Variants in TSHZ2 observed in about 807,000 individuals in gnomAD.
TSHZ2 encodes teashirt homolog 2.
In TSHZ2, 21 loss-of-function variants were observed where a neutral mutation model predicts 74.4. The observed-to-expected ratio is 0.28, with a 90% CI of 0.20 to 0.41. TSHZ2 has a LOEUF of 0.41. Among genes scored for constraint, TSHZ2 ranks in the 10% least tolerant of loss-of-function variants. The pLI, the probability that TSHZ2 is intolerant of heterozygous loss-of-function variation, is 1.00. For synonymous variants in TSHZ2, 540 were observed against 515.3 expected, an observed-to-expected ratio of 1.05 and a Z score of -0.65; for missense variants, 1,244 against 1,293.5, an observed-to-expected ratio of 0.96 and a Z score of 0.59.
chr20:53,085,368 AAGAAAGAG>A (rs1985666483), intron 1 of TSHZ2, among the ~76,000 whole-genome samples: 1 of 151,966 alleles, frequency 6.6e-6, no homozygotes, highest in Non-Finnish European at 1.5e-5. Flanking sequence ...CCATCTCAAA[AAGAAAGAG>A]AGAGAGAGAG....
intron 1 of TSHZ2, among the ~76,000 whole-genome samples, chr20:53,040,099 C>T (rs1431353819): frequency 2.0e-5 from 3 of 151,994 alleles, no homozygotes; most frequent in African/African-American, 7.2e-5. Flanking sequence ...AGCAAGACTC[C>T]GTCTAAAAAA....
chr20:53,470,826 A>T (rs2145836757), intron 2 of TSHZ2, among the ~76,000 whole-genome samples: 1 of 152,292 alleles, frequency 6.6e-6, no homozygotes, highest in East Asian at 1.9e-4. Flanking sequence ...AAAAATAAAT[A>T]AATAAAACAC....
chr20:53,325,669 G>GTTGTTTGTTTGTTTGT (rs11474480), intron 2 of TSHZ2, among the ~76,000 whole-genome samples: 138 of 151,618 alleles, frequency 9.1e-4, no homozygotes, highest in South Asian at 5.6e-3. Flanking sequence ...TGCTTTGTTT[G>GTTGTTTGTTTGTTTGT]TTGTTTGTTT....
intron 2 of TSHZ2, among the ~76,000 whole-genome samples, chr20:53,331,737 A>AAACGTAT (rs11474548): frequency 2.6e-5 from 4 of 151,158 alleles, no homozygotes; most frequent in Non-Finnish European, 5.9e-5. Context: ...CAGATTAGGA[A>AAACGTAT]AAGGGTTATG....
intron 1 of TSHZ2, among the ~76,000 whole-genome samples, chr20:53,223,803 T>C (rs1989618997): frequency 6.6e-6 from 1 of 152,098 alleles, no homozygotes; most frequent in African/African-American, 2.4e-5. Context: ...TAAAGAGTAG[T>C]ACAAGGAGTC....
chr20:53,029,414 A>C (rs1421787599), intron 1 of TSHZ2, among the ~76,000 whole-genome samples: 1 of 152,224 alleles, frequency 6.6e-6, no homozygotes, highest in African/African-American at 2.4e-5. Flanking sequence ...AGTGGCTCAC[A>C]CCTGTAATCC....
chr20:53,032,406 G>T (rs1382340051), intron 1 of TSHZ2, among the ~76,000 whole-genome samples: 1 of 152,152 alleles, frequency 6.6e-6, no homozygotes, highest in Non-Finnish European at 1.5e-5. Flanking sequence ...TTTGAAATTT[G>T]GCTAATCCCA....
chr20:53,469,064 T>TATATATATATATATAC (rs1985664731), intron 2 of TSHZ2, among the ~76,000 whole-genome samples: 3 of 123,452 alleles, frequency 2.4e-5, no homozygotes, highest in African/African-American at 9.5e-5. Context: ...TATATATATA[T>TATATATATATATATAC]ATATATATAT....
chr20:53,309,890 C>T (rs367772921), intron 2 of TSHZ2, among the ~76,000 whole-genome samples: 16 of 152,318 alleles, frequency 1.1e-4, no homozygotes, highest in African/African-American at 3.8e-4. Context: ...GCAAGGAGGG[C>T]TCATGATCAA....
chr20:53,001,661 C>T (rs145101834), intron 1 of TSHZ2, among the ~76,000 whole-genome samples: 4 of 152,100 alleles, frequency 2.6e-5, no homozygotes, highest in Admixed American at 1.3e-4. Context: ...TTTTCTTTTG[C>T]CCCAGACTAA....
At chr20:53,005,341 T>C (rs1982604510) in intron 1 of TSHZ2, among the ~76,000 whole-genome samples, 1 of 150,698 alleles carries the variant, frequency 6.6e-6, no homozygotes, top group Non-Finnish European at 1.5e-5. Context: ...AATAAACAAA[T>C]AAGCCAGGTT....
At chr20:53,179,125 T>C (rs1456300750) in intron 1 of TSHZ2, 1 of 148,360 alleles carries the variant, frequency 6.7e-6, no homozygotes, top group Non-Finnish European at 1.5e-5. Flanking sequence ...GATCTCAACC[T>C]TTATTGATAC....
intron 1 of TSHZ2, among the ~76,000 whole-genome samples, chr20:53,130,991 C>T (rs184161083): frequency 1.4e-4 from 21 of 152,206 alleles, no homozygotes; most frequent in African/African-American, 3.9e-4. Flanking sequence ...GCCTCTGACA[C>T]GTGGATGATA....
At chr20:52,973,541 C>A (rs1220361962) in intron 1 of TSHZ2, among the ~76,000 whole-genome samples, 2 of 152,194 alleles carry the variant, frequency 1.3e-5, no homozygotes, top group African/African-American at 4.8e-5. Context: ...GGTGAGCTAT[C>A]CCACCAAGCC....
intron 2 of TSHZ2, among the ~76,000 whole-genome samples, chr20:53,361,737 G>A (rs549623712): frequency 4.6e-5 from 7 of 152,262 alleles, no homozygotes; most frequent in African/African-American, 1.7e-4. Flanking sequence ...TAAATGTCCC[G>A]TAATGCACAA....
At chr20:53,220,306 A>G (rs1404609373) in intron 1 of TSHZ2, among the ~76,000 whole-genome samples, 1 of 152,230 alleles carries the variant, frequency 6.6e-6, no homozygotes, top group Admixed American at 6.5e-5. Flanking sequence ...GCTAAGTCAC[A>G]TACATACACA....
At chr20:53,191,553 C>T (rs1452482437) in intron 1 of TSHZ2, among the ~76,000 whole-genome samples, 2 of 152,204 alleles carry the variant, frequency 1.3e-5, no homozygotes, top group East Asian at 3.9e-4. Context: ...GTCTCAGCCA[C>T]TTGGGATGCT....
chr20:53,479,745 A>T (rs1341162197), intron 2 of TSHZ2, among the ~76,000 whole-genome samples: 3 of 152,218 alleles, frequency 2.0e-5, no homozygotes, highest in African/African-American at 4.8e-5. Flanking sequence ...TGGGCATTTG[A>T]CAGTGTCTAG....
At chr20:53,485,015 C>A (rs982679188) in intron 2 of TSHZ2, among the ~76,000 whole-genome samples, 2 of 152,170 alleles carry the variant, frequency 1.3e-5, no homozygotes, top group Non-Finnish European at 2.9e-5. Flanking sequence ...AAACAAGAAA[C>A]TTCACTCAGA....
Sources: allele counts gnomAD v4.1 joint callset (sites outside exome capture counted in the v4.1 genomes callset), GRCh38; gene constraint gnomAD v4.1.1; transcripts MANE v1.5; gene names NCBI Gene and HGNC (gene_info 2026-07-23, HGNC 2026-07-21).